Variants in ANK1 observed in about 807,000 individuals in gnomAD.
ANK1 encodes the protein ankyrin-1.
A neutral mutation model predicts 210.4 loss-of-function variants in ANK1; 51 were observed. The observed-to-expected ratio is 0.24, with a 90% CI of 0.19 to 0.31. The LOEUF is 0.31. ANK1 is among the 10% of genes least tolerant of loss of function. The pLI is 1.00. For synonymous variants in ANK1, 967 were observed against 1,025.9 expected (o/e 0.94, Z 1.10); for missense variants, 2,051 against 2,504.4 (o/e 0.82, Z 3.86).
At chr8:41,841,527 C>T (rs965079594) in intron 1 of ANK1, among the ~76,000 whole-genome samples, 1 of 152,118 alleles carries the variant, frequency 6.6e-6, no homozygotes, top group Non-Finnish European at 1.5e-5. Flanking sequence ...AGGATGACTC[C>T]CCGGCTAAGT....
intron 3 of ANK1, among the ~76,000 whole-genome samples, chr8:41,733,636 T>C (rs1203203535): frequency 1.3e-5 from 2 of 152,232 alleles, no homozygotes; most frequent in African/African-American, 4.8e-5. Context: ...GTGAAGTATG[T>C]CTGCTGGGAT....
At chr8:41,662,286 G>A (rs1018788290) in intron 40 of ANK1, among the ~76,000 whole-genome samples, 3 of 151,882 alleles carry the variant, frequency 2.0e-5, no homozygotes, top group African/African-American at 7.3e-5. Flanking sequence ...GGCTGGTCAA[G>A]CCCTCAAGAC....
intron 1 of ANK1, among the ~76,000 whole-genome samples, chr8:41,845,182 C>T (rs572458892): frequency 3.3e-5 from 5 of 152,104 alleles, no homozygotes; most frequent in Admixed American, 1.3e-4. Context: ...CTCAGGAGTT[C>T]GAGACCATCC....
chr8:41,804,721 A>T (rs1850662464), intron 1 of ANK1, among the ~76,000 whole-genome samples: 1 of 152,172 alleles, frequency 6.6e-6, no homozygotes, highest in South Asian at 2.1e-4. Flanking sequence ...CATATTCCAG[A>T]TTCTGAAAAC....
intron 1 of ANK1, among the ~76,000 whole-genome samples, chr8:41,887,916 A>C (rs1269419589): frequency 6.6e-6 from 1 of 152,236 alleles, no homozygotes; most frequent in Non-Finnish European, 1.5e-5. Context: ...CTGCTCCCTG[A>C]GCCCACCTCC....
intron 1 of ANK1, among the ~76,000 whole-genome samples, chr8:41,888,528 G>A (rs115015517): frequency 0.02 from 3,005 of 152,316 alleles, 98 homozygotes; most frequent in African/African-American, 0.066. Context: ...CCTGGCAGGC[G>A]CTTCTGGGAT....
chr8:41,835,395 TG>T (rs1255365128), intron 1 of ANK1, among the ~76,000 whole-genome samples: 2 of 152,026 alleles, frequency 1.3e-5, no homozygotes, highest in Non-Finnish European at 2.9e-5. Flanking sequence ...GAGGTAGCAG[TG>T]AGCTGAGATC....
At position 41,700,814 on chromosome 8, in the gene ANK1, G is replaced by T. The variant is rs117572837; in HGVS notation, c.2461+736C>A. 1.3e-3 allele frequency among the ~76,000 whole-genome samples: 202 copies of T among 152,266 alleles called. 4 individuals carry two copies. The East Asian group carries it at 0.036, about 27-fold the overall frequency. Reference sequence around the variant, plus strand: ...GTCTTGCTCTGTCACCCTGGCTGGAGTGCAGTGGGGTGATTACAGCTCACT... The same window carrying T: ...GTCTTGCTCTGTCACCCTGGCTGGATTGCAGTGGGGTGATTACAGCTCACT... On this transcript the variant is annotated intron_variant, in intron 22 of 42. Transcript: ENST00000289734.
intron 1 of ANK1, among the ~76,000 whole-genome samples, chr8:41,892,667 G>A (rs1563976465): frequency 6.6e-6 from 1 of 152,216 alleles, no homozygotes; most frequent in East Asian, 1.9e-4. Flanking sequence ...GATTAGAAGA[G>A]AAAACAAATC....
At chr8:41,667,476 C>T (rs920087807) in intron 39 of ANK1, among the ~76,000 whole-genome samples, 10 of 152,066 alleles carry the variant, frequency 6.6e-5, no homozygotes, top group African/African-American at 1.4e-4. Flanking sequence ...CCCATTAATA[C>T]GATGGCCAGG....
chr8:41,771,410 C>G (rs1470499717), intron 1 of ANK1, among the ~76,000 whole-genome samples: 1 of 152,172 alleles, frequency 6.6e-6, no homozygotes, highest in Admixed American at 6.5e-5. Context: ...ACAACCACAC[C>G]CTTAGACCAC....
Position 41,758,119 on chromosome 8 carries a change from A to T in ANK1, c.46T>A (p.Phe16Ile), listed in dbSNP as rs549924067. ...TTACCTGATCTTGCTGCTCTCAGAA[A>T]GCTGGTAGCAGCATCGGCCTGTGAG... is the stretch of plus-strand genomic sequence containing the variant. ...GFREADAATSFLRAARSGNLD... is the reference protein window; with the variant it reads ...GFREADAATSILRAARSGNLD... The change falls in exon 2 of 43, where the codon TTT (phenylalanine) becomes ATT (isoleucine). Residue 16 changes from phenylalanine (F) to isoleucine (I), a missense_variant. Transcript: ENST00000289734. 1 of 1,613,918 alleles carries T rather than the reference A, an allele frequency of 6.2e-7. No individual in the cohort carries two copies. The highest frequency in any genetic ancestry group is 8.5e-7 in the Non-Finnish European group (1 of 1,180,012).
chr8:41,868,792 G>A (rs1263736690), intron 1 of ANK1, among the ~76,000 whole-genome samples: 2 of 152,122 alleles, frequency 1.3e-5, no homozygotes, highest in East Asian at 1.9e-4. Context: ...TCAGAGGGGC[G>A]TGCAGAGAGC....
At chr8:41,795,266 A>T (rs1848541877) in intron 1 of ANK1, among the ~76,000 whole-genome samples, 1 of 152,080 alleles carries the variant, frequency 6.6e-6, no homozygotes, top group Non-Finnish European at 1.5e-5. Flanking sequence ...TAATGCCGGC[A>T]CTTTGGGAGG....
chr8:41,767,833 T>C (rs1007020981), intron 1 of ANK1, among the ~76,000 whole-genome samples: 2 of 152,246 alleles, frequency 1.3e-5, no homozygotes, highest in Admixed American at 1.3e-4. Flanking sequence ...CCCTGGTGAA[T>C]GGGCCCCGGA....
chr8:41,809,628 C>G (rs953111679), intron 1 of ANK1, among the ~76,000 whole-genome samples: 4 of 151,982 alleles, frequency 2.6e-5, no homozygotes, highest in African/African-American at 9.7e-5. Context: ...ATTAGCCAGG[C>G]ATGAGGGTGC....
Position 41,668,424 on chromosome 8 carries a change from C to A in ANK1, c.5237G>T (p.Gly1746Val). 1 of 1,614,238 alleles carries A rather than the reference C, an allele frequency of 6.2e-7. No individual in the cohort carries two copies. The highest frequency in any genetic ancestry group is 8.5e-7 in the Non-Finnish European group (1 of 1,180,040). Residue 1746 changes from glycine to valine, a missense_variant, in exon 39 of 43, where the codon GGA becomes GTA. Around this residue, in one of 6 missense-constraint regions of ANK1, gnomAD observed 496 missense variants for 533.4 expected, o/e 0.93. Coordinates refer to ENST00000289734, the MANE Select transcript of ANK1 (RefSeq NM_000037.4). ...CAGGACCTTCTCGTACTCCTGAGATCCACCGGGCTCTAGCCCTTCAGTCAT... is the reference window on the plus strand; with the variant it reads ...CAGGACCTTCTCGTACTCCTGAGATACACCGGGCTCTAGCCCTTCAGTCAT... ...STMTEGLEPG[G>V]SQEYEKVLVS...
At chr8:41,871,987 T>G (rs1330984480) in intron 1 of ANK1, among the ~76,000 whole-genome samples, 1 of 152,186 alleles carries the variant, frequency 6.6e-6, no homozygotes, top group Non-Finnish European at 1.5e-5. Context: ...ACACTCCAGA[T>G]GACAAGGCCG....
At position 41,704,033 on chromosome 8, in the gene ANK1, G is replaced by A. The variant is rs779233713; in HGVS notation, c.2295+8C>T. The A allele has an allele frequency of 6.8e-6, 11 of 1,612,852 alleles. No homozygotes were observed. The highest frequency in any genetic ancestry group is 9.3e-6 in the Non-Finnish European group (11 of 1,179,048). On this transcript the variant is annotated splice_region_variant and intron_variant, in intron 20 of 42. Transcript: ENST00000289734. This position sits in a 1 kb window ranked among gnomAD's most constrained non-coding sequence, Gnocchi z 4.1. ...GTTTTCTAAACTCAGGAGAGAGAGT[G>A]TACTCACCGAGCTGACCTCGTTTGG...
Sources: gnomAD v4.1 joint callset for allele counts (sites outside exome capture counted in the v4.1 genomes callset) on GRCh38, gnomAD v4.1.1 for gene constraint, gnomAD v4.1.1 regional missense constraint, Gnocchi (gnomAD v3.1) non-coding constraint, MANE v1.5 for transcripts, NCBI Gene and HGNC (gene_info 2026-07-23, HGNC 2026-07-21) for gene names.